The following SLF2 variants were observed in gnomAD, a reference collection of about 807,000 sequenced individuals.
The protein encoded by SLF2 is SMC5-SMC6 complex localization factor protein 2.
In SLF2, 68 loss-of-function variants were observed where a neutral mutation model predicts 124.3. The ratio of observed to expected loss-of-function variants is 0.55; its 90% CI spans 0.45 to 0.67. SLF2 has a LOEUF of 0.67. Among genes scored for constraint, SLF2 ranks in the 30% least tolerant of loss-of-function variants. The pLI is 0.00. For synonymous variants in SLF2, 480 were observed against 478.8 expected (o/e 1.00, Z -0.03); for missense variants, 1,246 against 1,373.7 (o/e 0.91, Z 1.47).
chr10:100,947,682 T>C, intron 14 of SLF2, 78 bp from the exon 15 acceptor site: 1 of 928,672 alleles, frequency 1.1e-6, no homozygotes. Flanking sequence ...GAACTAGAGC[T>C]CCTCTTGGCT....
Position 100,917,156 on chromosome 10 carries a change from G to A in SLF2, c.771G>A (p.Met257Ile). ...RELKRLRKEQ[M>I]EQRINSENSF... Reference sequence around the variant, plus strand: ...TAAAGAGGTTGAGAAAGGAGCAAATGGAGCAGAGAATCAACTCCGAGAATT... The same window carrying A: ...TAAAGAGGTTGAGAAAGGAGCAAATAGAGCAGAGAATCAACTCCGAGAATT... Residue 257 changes from methionine (M) to isoleucine (I), a missense_variant, in exon 3 of 20, where the codon ATG (methionine) becomes ATA (isoleucine). Met to Ile is a conservative substitution (Grantham distance 10). Transcript: ENST00000238961. The A allele has an allele frequency of 6.2e-7, 1 of 1,614,124 alleles. No individual in the cohort carries two copies.
Position 100,945,329 on chromosome 10 carries a change from G to C in SLF2, c.2758-1G>C. 6.4e-7 allele frequency: 1 copy of C among 1,568,346 alleles called. No homozygotes were observed. The highest frequency in any genetic ancestry group is 8.6e-7 in the Non-Finnish European group (1 of 1,167,758). On this transcript the variant is annotated splice_acceptor_variant, in intron 12 of 19. Transcript: ENST00000238961. LOFTEE classifies it high-confidence loss of function. ...TTTGTCTGTGCATTTATGTTAAACA[G>C]TTTCTAGGCTTGTGTACATCTATAC... is the stretch of plus-strand genomic sequence containing the variant.
intron 16 of SLF2, among the ~76,000 whole-genome samples, 178 bp downstream of exon 16, chr10:100,950,385 T>G (rs186323025): frequency 6.6e-6 from 1 of 152,336 alleles, no homozygotes; most frequent in East Asian, 1.9e-4. Flanking sequence ...TTCCATAAAT[T>G]TGAGAGTTGA....
At position 100,929,365 on chromosome 10, in the gene SLF2, A is replaced by C. The variant is rs771764732; in HGVS notation, c.2091A>C (p.Arg697=). 1.1e-5 allele frequency: 18 copies of C among 1,613,366 alleles called. No homozygotes were observed. The highest frequency in any genetic ancestry group is 1.5e-5 in the Non-Finnish European group (18 of 1,179,440). Residue 697 remains arginine, a synonymous_variant, in exon 7 of 20, where the codon CGA becomes CGC. Coordinates refer to ENST00000238961, the MANE Select transcript of SLF2 (RefSeq NM_018121.4). ...TACAAGAAGACATAAGGCAAGGCCG[A>C]GGCATTAAATCCCCAATCAGAATTG... is the stretch of plus-strand genomic sequence containing the variant. ...KQLQEDIRQG[R]GIKSPIRIGE...
intron 10 of SLF2, 139 bp downstream of exon 10, chr10:100,937,616 T>TG (rs377737651): frequency 1.5e-4 from 96 of 630,360 alleles, no homozygotes; most frequent in Non-Finnish European, 2.1e-4. Context: ...TCGTTTTTTT[T>TG]GGTTTTTTTT....
chr10:100,947,648 A>T, intron 14 of SLF2, 112 bp from the exon 15 acceptor site: 1 of 675,960 alleles, frequency 1.5e-6, no homozygotes, highest in Non-Finnish European at 2.5e-6. Flanking sequence ...ACTTCTCTTG[A>T]AACATTGCCT....
intron 1 of SLF2, chr10:100,913,542 C>T: frequency 8.1e-7 from 1 of 1,241,278 alleles, no homozygotes. Context: ...AGAGTTTGAC[C>T]CGGGACCCTA....
chr10:100,923,994 A>G lies in SLF2; in HGVS notation c.993A>G (p.Lys331=), dbSNP rs11190754. The change falls in exon 5 of 20, where the codon AAA becomes AAG. Residue 331 remains lysine (K), a synonymous_variant. Coordinates refer to ENST00000238961, the MANE Select transcript of SLF2 (RefSeq NM_018121.4). ...TTTTAGCAGGCTCTAAGCAGAATAAATTCCCTGAAAAAAGAAAAAGGAACT... is the reference window on the plus strand; with the variant it reads ...TTTTAGCAGGCTCTAAGCAGAATAAGTTCCCTGAAAAAAGAAAAAGGAACT... ...EPTSAGSKQN[K]FPEKRKRNSV... is the part of the protein sequence containing the mutation. 1,863 of 1,551,548 alleles carry G rather than the reference A, an allele frequency of 1.2e-3. 28 individuals carry two copies. The African/African-American group carries it at 0.022, about 19-fold the overall frequency.
At chr10:100,940,779 CCCTGCT>C (rs1490497374) in intron 11 of SLF2, among the ~76,000 whole-genome samples, 1 of 124,634 alleles carries the variant, frequency 8.0e-6, no homozygotes, top group Non-Finnish European at 1.7e-5. Flanking sequence ...CTTCCCCTGC[CCCTGCT>C]CCTGCCCCTG....
At chr10:100,950,051 CA>C in intron 15 of SLF2, 24 bp from the exon 16 acceptor site, 1 of 1,539,406 alleles carries the variant, frequency 6.5e-7, no homozygotes, top group East Asian at 2.3e-5. Flanking sequence ...TAGCTTTGTT[CA>C]ATGTCTCCTC....
At chr10:100,929,578 G>T in intron 7 of SLF2, 139 bp downstream of exon 7, 1 of 770,850 alleles carries the variant, frequency 1.3e-6, no homozygotes, top group Non-Finnish European at 2.0e-6. Flanking sequence ...GGTTTGAAAG[G>T]CAAATGTTAG....
intron 11 of SLF2, among the ~76,000 whole-genome samples, chr10:100,941,515 CA>C (rs937155198): frequency 1.3e-5 from 2 of 152,020 alleles, no homozygotes; most frequent in Non-Finnish European, 2.9e-5. Context: ...CCTAGCCTGG[CA>C]AAAAAATCTT....
In SLF2 at chr10:100,962,919, T is replaced by G. The variant is rs1850450936; in HGVS notation, c.*1007T>G. 1 of 152,512 alleles carries G rather than the reference T, an allele frequency of 6.6e-6. No individual in the cohort carries two copies. The highest frequency in any genetic ancestry group is 1.5e-5 in the Non-Finnish European group (1 of 68,032). 9.4% of individuals were successfully genotyped at this position (152,512 alleles called of 1,614,324 possible). On this transcript the variant is annotated 3_prime_UTR_variant, in exon 20 of 20. Transcript: ENST00000238961. ...CTTCAAAACCACAGCTGCTGTAAAT[T>G]CTTAAACACTGGAGAGCCATCCTTT...
At chr10:100,916,128 GTTTTAGTAAA>G in intron 2 of SLF2, 86 bp downstream of exon 2, 1 of 1,004,428 alleles carries the variant, frequency 1.0e-6, no homozygotes, top group Non-Finnish European at 1.5e-6. Flanking sequence ...ACTCTAAACT[GTTTTAGTAAA>G]CGTAGTGTTC....
chr10:100,924,330 A>T lies in SLF2; in HGVS notation c.1329A>T (p.Leu443Phe). ...AGATGCAGAAACCCCACTTACCTTT[A>T]TCTCAGGAAAAGTCTGCAATTAAAA... ...ETKMQKPHLP[L>F]SQEKSAIKKA... Residue 443 changes from leucine to phenylalanine, a missense_variant, in exon 5 of 20, where the codon TTA becomes TTT. By Grantham distance (22) the Leu-to-Phe change is conservative. Coordinates refer to ENST00000238961, the MANE Select transcript of SLF2 (RefSeq NM_018121.4). 1.2e-6 allele frequency: 2 copies of T among 1,614,066 alleles called. No individual in the cohort carries two copies. Among genetic ancestry groups the T allele is most frequent in the Non-Finnish European group, 1.7e-6 (2 of 1,179,996 alleles).
At chr10:100,957,350 T>A (rs796384317) in intron 18 of SLF2, among the ~76,000 whole-genome samples, 47,453 of 128,460 alleles carry the variant, frequency 0.37, 10,585 homozygotes, top group Middle Eastern at 0.56. Context: ...TTTTTTTTTT[T>A]TTTTTTTTTT....
chr10:100,938,788 TATATAATTATAGCTAA>T (rs1457136485), intron 11 of SLF2, 52 bp downstream of exon 11: 4 of 1,439,068 alleles, frequency 2.8e-6, no homozygotes, highest in Admixed American at 4.9e-5. Context: ...GTACGACTTA[TATATAATTATAGCTAA>T]AGTTTAATAT....
At chr10:100,929,068 A>G (rs1849675315) in intron 6 of SLF2, among the ~76,000 whole-genome samples, 1 of 152,210 alleles carries the variant, frequency 6.6e-6, no homozygotes, top group Admixed American at 6.5e-5. Flanking sequence ...TCTTTTATGC[A>G]GTGGAACACT....
At chr10:100,931,803 C>T (rs1445075527) in intron 9 of SLF2, among the ~76,000 whole-genome samples, 2 of 151,998 alleles carry the variant, frequency 1.3e-5, no homozygotes, top group Non-Finnish European at 2.9e-5. Context: ...ATCAGCCTAG[C>T]CAACATGGTG....
Sources: allele counts gnomAD v4.1 joint callset (sites outside exome capture counted in the v4.1 genomes callset), GRCh38; gene constraint gnomAD v4.1.1; transcripts MANE v1.5; gene names NCBI Gene and HGNC (gene_info 2026-07-23, HGNC 2026-07-21).